CDK19: variants seen among roughly 807,000 people sequenced by gnomAD.
CDK19 encodes the protein cyclin-dependent kinase 19.
In CDK19, 20 loss-of-function variants were observed where a neutral mutation model predicts 68.3. The observed-to-expected ratio is 0.29, with a 90% CI of 0.21 to 0.43. CDK19 has a LOEUF of 0.43. Among genes scored for constraint, CDK19 ranks in the 20% least tolerant of loss-of-function variants. The pLI, the probability that CDK19 is intolerant of heterozygous loss-of-function variation, is 1.00. For missense variants in CDK19, 339 were observed against 623.5 expected, an observed-to-expected ratio of 0.54 and a Z score of 4.86; for synonymous variants, 221 against 222.8, an observed-to-expected ratio of 0.99 and a Z score of 0.07.
intron 4 of CDK19, among the ~76,000 whole-genome samples, chr6:110,650,888 A>G (rs1357958167): frequency 6.6e-6 from 1 of 152,304 alleles, no homozygotes; most frequent in South Asian, 2.1e-4. Context: ...CAGGTTCTCG[A>G]GCACCTTCTG....
At chr6:110,729,301 C>A (rs1776572292) in intron 2 of CDK19, among the ~76,000 whole-genome samples, 1 of 152,064 alleles carries the variant, frequency 6.6e-6, no homozygotes, top group African/African-American at 2.4e-5. Flanking sequence ...AAAATGTCTA[C>A]CTTCTATTGG....
At position 110,815,325 on chromosome 6, in the gene CDK19, C is replaced by T. The variant is rs534917536; in HGVS notation, c.-189G>A. On this transcript the variant is annotated 5_prime_UTR_variant, in exon 1 of 13. Transcript: ENST00000368911. ...ACTCCTCGGCGGCCACAGCAGCCAC[C>T]TCCTCCACCTCTTCCTCCTCCTCCT... 4.0e-6 allele frequency: 2 copies of T among 498,252 alleles called. No individual in the cohort carries two copies. The highest frequency in any genetic ancestry group is 4.6e-5 in the Admixed American group (1 of 21,948). 30.9% of individuals were successfully genotyped at this position (498,252 alleles called of 1,614,324 possible).
At chr6:110,629,428 A>T (rs1779299800) in intron 6 of CDK19, among the ~76,000 whole-genome samples, 1 of 151,904 alleles carries the variant, frequency 6.6e-6, no homozygotes, top group Non-Finnish European at 1.5e-5. Context: ...ACAAACCTCC[A>T]CTGATATCAA....
chr6:110,790,482 C>A (rs1290152634), intron 1 of CDK19, among the ~76,000 whole-genome samples: 2 of 152,054 alleles, frequency 1.3e-5, no homozygotes, highest in African/African-American at 4.8e-5. Context: ...TTGCAGTGAG[C>A]CAGGATCACA....
intron 1 of CDK19, among the ~76,000 whole-genome samples, chr6:110,800,663 T>C (rs1346029783): frequency 6.6e-6 from 1 of 152,048 alleles, no homozygotes; most frequent in Non-Finnish European, 1.5e-5. Context: ...AATCAAGAAA[T>C]GTGATTCACC....
chr6:110,642,704 A>T (rs1780285504), intron 4 of CDK19, among the ~76,000 whole-genome samples: 1 of 152,062 alleles, frequency 6.6e-6, no homozygotes, highest in Admixed American at 6.5e-5. Flanking sequence ...CTGTAATCCC[A>T]GTTACTCCAG....
chr6:110,670,895 AT>A, intron 2 of CDK19: 1 of 396,754 alleles, frequency 2.5e-6, no homozygotes, highest in Non-Finnish European at 4.8e-6. Context: ...AATTAATTAC[AT>A]TTTTGTACAT....
upstream of CDK19, chr6:110,815,636 C>T (rs757040635): frequency 6.5e-6 from 1 of 153,190 alleles, no homozygotes; most frequent in African/African-American, 2.4e-5. Flanking sequence ...GCCCCTCCCC[C>T]TCAGGTAGCG....
intron 1 of CDK19, among the ~76,000 whole-genome samples, chr6:110,747,538 T>C (rs1778161434): frequency 6.6e-6 from 1 of 152,096 alleles, no homozygotes; most frequent in African/African-American, 2.4e-5. Context: ...TTATACTATA[T>C]AAAAATATAC....
intron 1 of CDK19, among the ~76,000 whole-genome samples, chr6:110,785,074 C>CAAAAAAAAAAAAAAAAAAAAAAAAAA (rs66578190): frequency 3.1e-5 from 2 of 64,940 alleles, no homozygotes; most frequent in Non-Finnish European, 7.2e-5. Flanking sequence ...ACTGAATTGT[C>CAAAAAAAAAAAAAAAAAAAAAAAAAA]AAAAAAAAAA....
chr6:110,789,804 C>T (rs551631159), intron 1 of CDK19, among the ~76,000 whole-genome samples: 1 of 152,256 alleles, frequency 6.6e-6, no homozygotes, highest in Admixed American at 6.5e-5. Context: ...ATTTATGACA[C>T]ACCTAATTTT....
intron 1 of CDK19, among the ~76,000 whole-genome samples, chr6:110,806,440 C>T (rs889336128): frequency 1.3e-5 from 2 of 152,128 alleles, no homozygotes; most frequent in Admixed American, 6.5e-5. Flanking sequence ...TTATACATCA[C>T]CATATTAGTA....
chr6:110,703,140 A>T lies in CDK19; in HGVS notation c.205-32599T>A, dbSNP rs577977056. Among the ~76,000 whole-genome samples, 64 of 152,300 alleles carry T rather than the reference A, an allele frequency of 4.2e-4. 1 individual carries two copies. The highest frequency in any genetic ancestry group is 1.5e-3 in the African/African-American group (62 of 41,566). Reference sequence around the variant, plus strand: ...GAAATCCATCTATTCAGTTGAAACCAGCATTTCCCCCACCCTACCCCCGGC... The same window carrying T: ...GAAATCCATCTATTCAGTTGAAACCTGCATTTCCCCCACCCTACCCCCGGC... On this transcript the variant is annotated intron_variant, in intron 2 of 12. Coordinates refer to ENST00000368911, the MANE Select transcript of CDK19 (RefSeq NM_015076.5).
chr6:110,643,290 TCC>T, intron 4 of CDK19: 1 of 848,626 alleles, frequency 1.2e-6, no homozygotes, highest in Non-Finnish European at 1.7e-6. Context: ...TTAAAAGAGG[TCC>T]ACCTAAAGGT....
intron 2 of CDK19, among the ~76,000 whole-genome samples, chr6:110,680,736 CCT>C (rs1383881984): frequency 2.0e-5 from 3 of 152,154 alleles, no homozygotes; most frequent in African/African-American, 7.2e-5. Flanking sequence ...GTGGCTCACA[CCT>C]GTTATCCCAG....
chr6:110,734,194 G>C (rs937584598), intron 2 of CDK19, among the ~76,000 whole-genome samples: 3 of 152,052 alleles, frequency 2.0e-5, no homozygotes, highest in Admixed American at 6.6e-5. Context: ...ATTTTTAGTA[G>C]AGATGGGGTT....
chr6:110,773,248 G>C (rs147069311), intron 1 of CDK19, among the ~76,000 whole-genome samples: 3 of 151,934 alleles, frequency 2.0e-5, no homozygotes, highest in Admixed American at 1.3e-4. Context: ...GGGAGGCTGA[G>C]GCAGGAGAAT....
chr6:110,614,801 T>A (rs916177125), intron 12 of CDK19, 135 bp from the exon 13 acceptor site: 1 of 767,156 alleles, frequency 1.3e-6, no homozygotes, highest in Non-Finnish European at 2.1e-6. Context: ...GACAGCTAAC[T>A]TAAGTTGTTA....
chr6:110,670,970 A>G (rs1770959493), intron 2 of CDK19, among the ~76,000 whole-genome samples: 1 of 152,178 alleles, frequency 6.6e-6, no homozygotes, highest in Non-Finnish European at 1.5e-5. Context: ...AATACTGCTT[A>G]TATCTACCCT....
Sources: gnomAD v4.1 joint callset for allele counts (sites outside exome capture counted in the v4.1 genomes callset) on GRCh38, gnomAD v4.1.1 for gene constraint, MANE v1.5 for transcripts, NCBI Gene and HGNC (gene_info 2026-07-23, HGNC 2026-07-21) for gene names.